Variants in IDS observed in about 807,000 individuals in gnomAD.
IDS encodes alpha-L-iduronate sulfate sulfatase.
Under a neutral mutation model 33.5 loss-of-function variants are expected in IDS, and 1 was observed. The observed-to-expected ratio is 0.03, with a 90% CI of 0.01 to 0.14. The LOEUF is 0.14. Among genes scored for constraint, IDS ranks in the 10% least tolerant of loss-of-function variants. The pLI is 1.00. For missense variants in IDS, 328 were observed against 448.0 expected, an observed-to-expected ratio of 0.73 and a Z score of 2.42; for synonymous variants, 191 against 184.4, an observed-to-expected ratio of 1.04 and a Z score of -0.29.
In IDS at chrX:149,477,039, CA is replaced by C. The variant is rs782765815; in HGVS notation, c.*5706del. On this transcript the variant is annotated 3_prime_UTR_variant, in exon 9 of 9. Transcript: ENST00000340855. ...ATAATAACTCATGCTGCACTTAACACAATACAAACTTATGTTTTTCAATAGT... is the reference window on the plus strand; with the variant it reads ...ATAATAACTCATGCTGCACTTAACACATACAAACTTATGTTTTTCAATAGT... 8.9e-6 allele frequency: 1 copy of C among 112,489 alleles called. No individual in the cohort carries two copies. The highest frequency in any genetic ancestry group is 2.8e-4 in the East Asian group (1 of 3,600). The allele number at this position is 112,489 out of a possible 1,213,427, so 9.3% of individuals were successfully genotyped here.
chrX:149,498,323 A>G lies in IDS; in HGVS notation c.508-16T>C, dbSNP rs2089453004. ...CTCGACATGTCTTTCAAAACAAAAT[A>G]ATATAACATCAGCTTTTTAAGTGCA... On this transcript the variant is annotated splice_polypyrimidine_tract_variant and intron_variant, in intron 4 of 8. Transcript: ENST00000340855. 8.5e-7 allele frequency: 1 copy of G among 1,175,065 alleles called. No individual in the cohort carries two copies. The highest frequency in any genetic ancestry group is 1.7e-5 in the African/African-American group (1 of 57,171).
intron 8 of IDS, among the ~76,000 whole-genome samples, chrX:149,485,513 C>T (rs782626742): frequency 8.9e-6 from 1 of 111,931 alleles, no homozygotes; most frequent in South Asian, 3.7e-4. Flanking sequence ...TGACTATTCT[C>T]ATTTCTTGAG....
At chrX:149,504,941 G>T in intron 1 of IDS, 94 bp downstream of exon 1, 4 of 657,020 alleles carry the variant, frequency 6.1e-6, no homozygotes, top group Non-Finnish European at 7.3e-6. Flanking sequence ...AGGGTAAAAA[G>T]AATGGATATA....
chrX:149,504,957 A>AG (rs1472860886), intron 1 of IDS, 78 bp downstream of exon 1: 47 of 752,040 alleles, frequency 6.2e-5, no homozygotes, highest in Non-Finnish European at 9.2e-5. Flanking sequence ...ATATAAACAA[A>AG]GAAGGAAGGA....
intron 4 of IDS, among the ~76,000 whole-genome samples, chrX:149,499,572 G>A (rs916145160): frequency 8.1e-5 from 9 of 110,870 alleles, no homozygotes; most frequent in Admixed American, 5.8e-4. Flanking sequence ...AGGAACGACT[G>A]GTAATGGGTA....
chrX:149,496,638 C>G (rs1016902095), intron 5 of IDS, 122 bp from the exon 6 acceptor site: 3 of 716,663 alleles, frequency 4.2e-6, no homozygotes, highest in Non-Finnish European at 6.5e-6. Context: ...TGGTGGCTCA[C>G]TAGCATTCCC....
rs909713677 is a variant in IDS, at chrX:149,479,008, T to A, written c.*3738A>T. 8.9e-6 allele frequency: 1 copy of A among 112,047 alleles called. No individual in the cohort carries two copies. Among genetic ancestry groups the A allele is most frequent in the Non-Finnish European group, 1.9e-5 (1 of 53,098 alleles). 9.2% of individuals were successfully genotyped at this position (112,047 alleles called of 1,213,427 possible). ...TCACTAACAAGCAAAGAATTTTAAG[T>A]TTTTTTTGTTTTTTGTTGTTTTTTA... On this transcript the variant is annotated 3_prime_UTR_variant, in exon 9 of 9. Coordinates refer to ENST00000340855, the MANE Select transcript of IDS (RefSeq NM_000202.8).
intron 6 of IDS, among the ~76,000 whole-genome samples, chrX:149,494,341 T>C (rs1327883902): frequency 8.9e-6 from 1 of 111,748 alleles, no homozygotes; most frequent in Non-Finnish European, 1.9e-5. Context: ...TAGAAATCCA[T>C]ACTCTAGCAA....
intron 6 of IDS, among the ~76,000 whole-genome samples, chrX:149,494,345 C>G (rs1389803984): frequency 8.9e-6 from 1 of 111,940 alleles, no homozygotes; most frequent in Non-Finnish European, 1.9e-5. Flanking sequence ...AATCCATACT[C>G]TAGCAATCCC....
Position 149,482,576 on chromosome X carries a change from A to C in IDS, c.*170T>G. Reference sequence around the variant, plus strand: ...TAAATTTTAATAAAGACTAAACGAAAAGGTTTGGCTGTTACATATTCTCAG... The same window carrying C: ...TAAATTTTAATAAAGACTAAACGAACAGGTTTGGCTGTTACATATTCTCAG... On this transcript the variant is annotated 3_prime_UTR_variant, in exon 9 of 9. Transcript: ENST00000340855. 1 of 724,109 alleles carries C rather than the reference A, an allele frequency of 1.4e-6. No individual in the cohort carries two copies. Among genetic ancestry groups the C allele is most frequent in the Non-Finnish European group, 2.0e-6 (1 of 510,045 alleles). The allele number at this position is 724,109 out of a possible 1,213,427, so 59.7% of individuals were successfully genotyped here.
At position 149,482,711 on chromosome X, in the gene IDS, A is replaced by G; in HGVS notation, c.*35T>C. 1 of 1,210,994 alleles carries G rather than the reference A, an allele frequency of 8.3e-7. No homozygotes were observed. The highest frequency in any genetic ancestry group is 1.1e-6 in the Non-Finnish European group (1 of 895,400). On this transcript the variant is annotated 3_prime_UTR_variant, in exon 9 of 9. Coordinates refer to ENST00000340855, the MANE Select transcript of IDS (RefSeq NM_000202.8). ...CTCCTCCTCTCACCAGCTGGAAGGG[A>G]GCACATCACATTTGCCATCCATGGT...
rs2089272048 is a variant in IDS, at chrX:149,477,326, G to A, written c.*5420C>T. The stretch of plus-strand genomic sequence containing the variant: ...CGTCCCAACTCTTGTTTCCTAGCAT[G>A]TGCTGAATACACTACTAGACCTTGA... On this transcript the variant is annotated 3_prime_UTR_variant, in exon 9 of 9. Transcript: ENST00000340855. The A allele has an allele frequency of 8.9e-6, 1 of 112,564 alleles. No homozygotes were observed. Among genetic ancestry groups the A allele is most frequent in the South Asian group, 3.6e-4 (1 of 2,741 alleles). 9.3% of individuals were successfully genotyped at this position (112,564 alleles called of 1,213,427 possible).
intron 8 of IDS, among the ~76,000 whole-genome samples, chrX:149,485,952 A>G (rs782284027): frequency 8.9e-6 from 1 of 112,446 alleles, no homozygotes; most frequent in Non-Finnish European, 1.9e-5. Context: ...ACAAATTTAA[A>G]CAGGAATCAA....
At chrX:149,502,968 T>C in intron 3 of IDS, 1 of 442,871 alleles carries the variant, frequency 2.3e-6, no homozygotes, top group Non-Finnish European at 3.9e-6. Context: ...CTAGGTTTAC[T>C]GACAGGTACC....
intron 8 of IDS, among the ~76,000 whole-genome samples, chrX:149,486,544 C>T (rs142169140): frequency 4.5e-5 from 5 of 111,901 alleles, no homozygotes; most frequent in African/African-American, 9.7e-5. Flanking sequence ...ACCAAAAGTG[C>T]GCATCGAGGG....
At chrX:149,495,703 C>T (rs1311302390) in intron 6 of IDS, 1 of 115,126 alleles carries the variant, frequency 8.7e-6, no homozygotes, top group African/African-American at 3.3e-5. Flanking sequence ...GTGGAATATT[C>T]CAGAAAGAGC....
intron 5 of IDS, among the ~76,000 whole-genome samples, chrX:149,497,141 A>G (rs1467457876): frequency 2.7e-5 from 3 of 111,007 alleles, no homozygotes; most frequent in African/African-American, 9.9e-5. Context: ...GGTAGGTACT[A>G]TCTGTCTGGA....
At position 149,482,674 on chromosome X, in the gene IDS, G is replaced by T; in HGVS notation, c.*72C>A. 1.7e-6 allele frequency: 2 copies of T among 1,199,864 alleles called. No individual in the cohort carries two copies. Among genetic ancestry groups the T allele is most frequent in the South Asian group, 1.8e-5 (1 of 55,713 alleles). Reference sequence around the variant, plus strand: ...CCAATATTATGGGTAATCACAAAACGACCAGCTCTAACTCCTCCTCTCACC... The same window carrying T: ...CCAATATTATGGGTAATCACAAAACTACCAGCTCTAACTCCTCCTCTCACC... On this transcript the variant is annotated 3_prime_UTR_variant, in exon 9 of 9. Coordinates refer to ENST00000340855, the MANE Select transcript of IDS (RefSeq NM_000202.8).
Position 149,505,192 on chromosome X carries a change from G to T in IDS, c.-55C>A, listed in dbSNP as rs1046532656. 1 of 890,688 alleles carries T rather than the reference G, an allele frequency of 1.1e-6. No individual in the cohort carries two copies. Among genetic ancestry groups the T allele is most frequent in the African/African-American group, 2.0e-5 (1 of 49,871 alleles). The allele number at this position is 890,688 out of a possible 1,213,427, so 73.4% of individuals were successfully genotyped here. A position where few individuals can be genotyped will look rare whatever the true frequency, so the allele number is the denominator to read the frequency against. ...GCGGGGACAGGCTGCAGCAGGTGGC[G>T]CAGTTAGCAGCCGCCGCCGCAGCCA... On this transcript the variant is annotated 5_prime_UTR_variant, in exon 1 of 9. Coordinates refer to ENST00000340855, the MANE Select transcript of IDS (RefSeq NM_000202.8).
Sources: gnomAD v4.1 joint callset for allele counts (sites outside exome capture counted in the v4.1 genomes callset) on GRCh38, gnomAD v4.1.1 for gene constraint, MANE v1.5 for transcripts, NCBI Gene and HGNC (gene_info 2026-07-23, HGNC 2026-07-21) for gene names.